Variants in KIRREL3 observed in about 807,000 individuals in gnomAD.
The protein encoded by KIRREL3 is kirre like nephrin family adhesion molecule 3.
In KIRREL3, 36 loss-of-function variants were observed where a neutral mutation model predicts 89.7. The observed-to-expected ratio is 0.40, with a 90% confidence interval of 0.31 to 0.53. The LOEUF (loss-of-function observed/expected upper bound fraction) is 0.53. KIRREL3 is among the 20% of genes least tolerant of loss of function. The pLI, the probability that KIRREL3 is intolerant of heterozygous loss-of-function variation, is 0.49. For synonymous variants in KIRREL3, 445 were observed against 441.4 expected (o/e 1.01, Z -0.10); for missense variants, 864 against 1,056.6 (o/e 0.82, Z 2.53).
rs1958952946 is a variant in KIRREL3, at chr11:126,531,834, C to G, written c.134-5147G>C. Among the ~76,000 whole-genome samples the G allele has an allele frequency of 6.6e-6, 1 of 152,210 alleles. No homozygotes were observed. The highest frequency in any genetic ancestry group is 1.5e-5 in the Non-Finnish European group (1 of 68,038). On this transcript the variant is annotated intron_variant, in intron 2 of 16. Coordinates refer to ENST00000525144, the MANE Select transcript of KIRREL3 (RefSeq NM_032531.4). This position sits in a 1 kb window ranked among gnomAD's most constrained non-coding sequence, Gnocchi z 4.7. The stretch of plus-strand genomic sequence containing the variant: ...TATCTTTTCTGTCTTGTGTTCCCAG[C>G]TGTGGGTGAGCACCGGTTACACGTC...
At position 126,432,571 on chromosome 11, in the gene KIRREL3, C is replaced by T. The variant is rs758083520; in HGVS notation, c.1589-1045G>A. 6.6e-6 allele frequency among the ~76,000 whole-genome samples: 1 copy of T among 152,072 alleles called. No individual in the cohort carries two copies. Among genetic ancestry groups the T allele is most frequent in the South Asian group, 2.1e-4 (1 of 4,818 alleles). On this transcript the variant is annotated intron_variant, in intron 13 of 16. Transcript: ENST00000525144. The surrounding 1 kb of genome is among the most constrained non-coding windows in gnomAD (Gnocchi z 6.2). Reference sequence around the variant, plus strand: ...CCAGGTCTCCTCTCACTGCTCCCACCCCTCCACTCACCCCACTCCCACCCC... The same window carrying T: ...CCAGGTCTCCTCTCACTGCTCCCACTCCTCCACTCACCCCACTCCCACCCC...
Position 126,990,379 on chromosome 11 carries a change from C to CCGCCAT in KIRREL3, c.55+10070_55+10075dup, listed in dbSNP as rs936558725. Among the ~76,000 whole-genome samples, 1 of 152,200 alleles carries CCGCCAT rather than the reference C, an allele frequency of 6.6e-6. No individual in the cohort carries two copies. Among genetic ancestry groups the CCGCCAT allele is most frequent in the African/African-American group, 2.4e-5 (1 of 41,456 alleles). ...AGGAACCCGCCTCCTGCGAGAGCCGCCGCCATCTGTAACGTTGCCCTCACC... is the reference window on the plus strand; with the variant it reads ...AGGAACCCGCCTCCTGCGAGAGCCGCCGCCATCGCCATCTGTAACGTTGCCCTCACC... On this transcript the variant is annotated intron_variant, in intron 1 of 16. Coordinates refer to ENST00000525144, the MANE Select transcript of KIRREL3 (RefSeq NM_032531.4). The surrounding 1 kb of genome is among the most constrained non-coding windows in gnomAD (Gnocchi z 6.3).
In KIRREL3 at chr11:126,530,802, T is replaced by G. The variant is rs1958919378; in HGVS notation, c.134-4115A>C. Among the ~76,000 whole-genome samples the G allele has an allele frequency of 6.6e-6, 1 of 152,144 alleles. No individual in the cohort carries two copies. The highest frequency in any genetic ancestry group is 1.5e-5 in the Non-Finnish European group (1 of 68,030). Reference sequence around the variant, plus strand: ...CCTGGTGTGAAGCCTTGGCGGCCGGTGCAATCTCCCCTTCCCATACTTTAT... The same window carrying G: ...CCTGGTGTGAAGCCTTGGCGGCCGGGGCAATCTCCCCTTCCCATACTTTAT... On this transcript the variant is annotated intron_variant, in intron 2 of 16. Transcript: ENST00000525144. This position sits in a 1 kb window ranked among gnomAD's most constrained non-coding sequence, Gnocchi z 5.8.
rs188031356 is a variant in KIRREL3, at chr11:126,944,766, G to A, written c.55+55689C>T. 2.9e-4 allele frequency among the ~76,000 whole-genome samples: 44 copies of A among 152,258 alleles called. No homozygotes were observed. In the East Asian group the frequency reaches 5.8e-3, roughly 20 times the overall value. On this transcript the variant is annotated intron_variant, in intron 1 of 16. Transcript: ENST00000525144. ...TCTCAGTCTAGGCTGGAGCTGACTCGGAGAGAATTGAATTCCCTTCTCCAT... is the reference window on the plus strand; with the variant it reads ...TCTCAGTCTAGGCTGGAGCTGACTCAGAGAGAATTGAATTCCCTTCTCCAT...
intron 1 of KIRREL3, among the ~76,000 whole-genome samples, chr11:126,695,149 A>T (rs117008250): frequency 2.5e-3 from 384 of 152,338 alleles, no homozygotes; most frequent in Non-Finnish European, 4.4e-3. Context: ...CACAAAGCCG[A>T]AAGTATTTAC....
intron 1 of KIRREL3, among the ~76,000 whole-genome samples, chr11:126,821,942 T>C (rs764860774): frequency 2.0e-5 from 3 of 152,204 alleles, no homozygotes; most frequent in Non-Finnish European, 4.4e-5. Flanking sequence ...ACACATTGAT[T>C]TAATTCCAGT....
At chr11:126,831,681 C>T (rs563406951) in intron 1 of KIRREL3, among the ~76,000 whole-genome samples, 4 of 152,298 alleles carry the variant, frequency 2.6e-5, no homozygotes, top group Admixed American at 2.6e-4. Context: ...AAAGGGGTCA[C>T]TTACAACAGA....
chr11:126,967,900 C>A (rs574867095), intron 1 of KIRREL3, among the ~76,000 whole-genome samples: 38 of 152,138 alleles, frequency 2.5e-4, no homozygotes, highest in African/African-American at 8.9e-4. Flanking sequence ...AATTACCCTG[C>A]CCAAAATATC....
intron 1 of KIRREL3, among the ~76,000 whole-genome samples, chr11:126,966,208 G>T (rs1289893432): frequency 1.3e-5 from 2 of 152,164 alleles, no homozygotes; most frequent in Non-Finnish European, 2.9e-5. Flanking sequence ...GTTACAAACG[G>T]TAATTTGACT....
At chr11:126,842,976 G>A (rs1270713858) in intron 1 of KIRREL3, among the ~76,000 whole-genome samples, 5 of 151,788 alleles carry the variant, frequency 3.3e-5, no homozygotes, top group Non-Finnish European at 7.4e-5. Context: ...TGTAAATGCA[G>A]GGCCTTTACT....
rs1377203348 is a variant in KIRREL3 at position 126,747,963 on chromosome 11, C to G, written c.56-185051G>C. ...CGGCCTTCCCAGGTGACTTTCTGCT[C>G]TACTCTTTCTCAGTCTCCATCTGAC... On this transcript the variant is annotated intron_variant, in intron 1 of 16. Coordinates refer to ENST00000525144, the MANE Select transcript of KIRREL3 (RefSeq NM_032531.4). This position sits in a 1 kb window ranked among gnomAD's most constrained non-coding sequence, Gnocchi z 4.7. Among the ~76,000 whole-genome samples the G allele has an allele frequency of 6.6e-6, 1 of 152,182 alleles. No individual in the cohort carries two copies. The highest frequency in any genetic ancestry group is 1.5e-5 in the Non-Finnish European group (1 of 68,034).
At position 126,729,962 on chromosome 11, in the gene KIRREL3, G is replaced by A. The variant is rs147608044; in HGVS notation, c.56-167050C>T. ...TTTCTGTGACATTTGGCTCTGTGAC[G>A]GCTTCCTTCTTCAGGAAACTCTTTT... On this transcript the variant is annotated intron_variant, in intron 1 of 16. Coordinates refer to ENST00000525144, the MANE Select transcript of KIRREL3 (RefSeq NM_032531.4). This position sits in a 1 kb window ranked among gnomAD's most constrained non-coding sequence, Gnocchi z 4.5. 5.3e-5 allele frequency among the ~76,000 whole-genome samples: 8 copies of A among 152,198 alleles called. No homozygotes were observed. In the East Asian group the frequency reaches 1.4e-3, roughly 26 times the overall value.
chr11:126,662,711 C>T (rs1264115502), intron 1 of KIRREL3, among the ~76,000 whole-genome samples: 5 of 152,112 alleles, frequency 3.3e-5, no homozygotes, highest in Non-Finnish European at 7.4e-5. Context: ...GATTAGGTTT[C>T]AACATGAATT....
intron 1 of KIRREL3, among the ~76,000 whole-genome samples, chr11:126,921,405 A>C (rs1189625785): frequency 1.5e-5 from 2 of 134,438 alleles, no homozygotes; most frequent in African/African-American, 5.3e-5. Context: ...CTATCTATCT[A>C]TCTATCTATC....
Position 126,551,768 on chromosome 11 carries a change from C to T in KIRREL3, c.133+11067G>A, listed in dbSNP as rs1443647875. Among the ~76,000 whole-genome samples the T allele has an allele frequency of 6.6e-6, 1 of 151,962 alleles. No individual in the cohort carries two copies. The highest frequency in any genetic ancestry group is 1.5e-5 in the Non-Finnish European group (1 of 68,016). On this transcript the variant is annotated intron_variant, in intron 2 of 16. Coordinates refer to ENST00000525144, the MANE Select transcript of KIRREL3 (RefSeq NM_032531.4). The surrounding 1 kb of genome is among the most constrained non-coding windows in gnomAD (Gnocchi z 4.9). ...TCAAGCGATTCTCCTGCCTCAGCCTCCTGAGTAGCTGGGATTACAGGCATG... is the reference window on the plus strand; with the variant it reads ...TCAAGCGATTCTCCTGCCTCAGCCTTCTGAGTAGCTGGGATTACAGGCATG...
chr11:126,920,532 GCT>G (rs1201504503), intron 1 of KIRREL3: 1 of 152,230 alleles, frequency 6.6e-6, no homozygotes, highest in Non-Finnish European at 1.5e-5. Context: ...TGGTGTCAGT[GCT>G]CTGTTTGCCT....
chr11:126,841,023 AT>A (rs1943947301), intron 1 of KIRREL3, among the ~76,000 whole-genome samples: 1 of 152,188 alleles, frequency 6.6e-6, no homozygotes, highest in Non-Finnish European at 1.5e-5. Flanking sequence ...GCATATTGTT[AT>A]TGTTCTATTA....
chr11:126,814,284 G>A lies in KIRREL3; in HGVS notation c.55+186171C>T, dbSNP rs527479616. Among the ~76,000 whole-genome samples the A allele has an allele frequency of 2.0e-5, 3 of 152,212 alleles. No individual in the cohort carries two copies. The East Asian group carries it at 5.8e-4, about 29-fold the overall frequency. On this transcript the variant is annotated intron_variant, in intron 1 of 16. Transcript: ENST00000525144. This position sits in a 1 kb window ranked among gnomAD's most constrained non-coding sequence, Gnocchi z 4.4. ...AGCAACAGATGCTGGCGAGGTTATGGAGAAAAAGGAATGCTTTTACACTGT... is the reference window on the plus strand; with the variant it reads ...AGCAACAGATGCTGGCGAGGTTATGAAGAAAAAGGAATGCTTTTACACTGT...
In KIRREL3 at chr11:127,000,595, G is replaced by C; in HGVS notation, c.-86C>G. 1.4e-6 allele frequency: 2 copies of C among 1,434,758 alleles called. No homozygotes were observed. Among genetic ancestry groups the C allele is most frequent in the Non-Finnish European group, 1.9e-6 (2 of 1,047,902 alleles). The allele number at this position is 1,434,758 out of a possible 1,614,324, so 88.9% of individuals were successfully genotyped here. On this transcript the variant is annotated 5_prime_UTR_variant, in exon 1 of 17. Coordinates refer to ENST00000525144, the MANE Select transcript of KIRREL3 (RefSeq NM_032531.4). The surrounding 1 kb of genome is among the most constrained non-coding windows in gnomAD (Gnocchi z 7.1). ...TGGCGGCTCTCGGTGCTCAGCCTCC[G>C]CCGGTCCTCTCGGGTTCGCGCCTAC...
Sources: allele counts gnomAD v4.1 joint callset (sites outside exome capture counted in the v4.1 genomes callset), GRCh38; gene constraint gnomAD v4.1.1; non-coding constraint Gnocchi (gnomAD v3.1); transcripts MANE v1.5; gene names NCBI Gene and HGNC (gene_info 2026-07-23, HGNC 2026-07-21).